The following KATNIP variants were observed in gnomAD, a reference collection of about 807,000 sequenced individuals.
The protein encoded by KATNIP is katanin interacting protein.
In KATNIP, 126 loss-of-function variants were observed where a neutral mutation model predicts 174.0. The observed-to-expected ratio is 0.72, with a 90% confidence interval of 0.63 to 0.84. KATNIP has a LOEUF of 0.84. Ranked by LOEUF, KATNIP falls within the 40% of genes least tolerant of loss-of-function variation. The pLI is 0.00. For missense variants in KATNIP, 1,958 were observed against 2,109.7 expected (o/e 0.93, Z 1.41); for synonymous variants, 810 against 835.7 (o/e 0.97, Z 0.53).
chr16:27,568,958 C>T (rs993659298), intron 1 of KATNIP, among the ~76,000 whole-genome samples: 2 of 152,124 alleles, frequency 1.3e-5, no homozygotes, highest in Non-Finnish European at 2.9e-5. Flanking sequence ...CCCACCACTC[C>T]CCTCCCACCT....
chr16:27,701,211 G>A (rs1045213966), intron 10 of KATNIP, among the ~76,000 whole-genome samples: 4 of 151,970 alleles, frequency 2.6e-5, no homozygotes, highest in Non-Finnish European at 2.9e-5. Flanking sequence ...AGGCTGGAGT[G>A]CAGTGGCATG....
chr16:27,667,279 C>T (rs1407724730), intron 6 of KATNIP, among the ~76,000 whole-genome samples: 1 of 150,862 alleles, frequency 6.6e-6, no homozygotes, highest in Non-Finnish European at 1.5e-5. Flanking sequence ...CGTGCCACTG[C>T]ACTCCAGCTT....
chr16:27,652,904 C>T (rs776898209), intron 6 of KATNIP, among the ~76,000 whole-genome samples: 2 of 151,718 alleles, frequency 1.3e-5, no homozygotes, highest in Non-Finnish European at 2.9e-5. Context: ...CCTGATAATG[C>T]ATAATTGATA....
At chr16:27,695,629 G>A (rs1215765277) in intron 8 of KATNIP, among the ~76,000 whole-genome samples, 1 of 152,134 alleles carries the variant, frequency 6.6e-6, no homozygotes, top group Non-Finnish European at 1.5e-5. Flanking sequence ...TGTGAGTGGG[G>A]GACTTGGTAT....
chr16:27,606,885 T>C (rs1160025718), intron 2 of KATNIP, among the ~76,000 whole-genome samples: 3 of 152,118 alleles, frequency 2.0e-5, no homozygotes. Context: ...GATTTTTCCA[T>C]GGAACATTTA....
chr16:27,568,440 A>T (rs1244088289), intron 1 of KATNIP, among the ~76,000 whole-genome samples: 5 of 152,162 alleles, frequency 3.3e-5, no homozygotes, highest in African/African-American at 1.2e-4. Context: ...TACAGGTGTG[A>T]GCAACCGGGC....
At chr16:27,642,374 G>A (rs1225530968) in intron 5 of KATNIP, among the ~76,000 whole-genome samples, 2 of 152,160 alleles carry the variant, frequency 1.3e-5, no homozygotes, top group Admixed American at 1.3e-4. Flanking sequence ...AGAACACATG[G>A]ACACAGGAAG....
At chr16:27,642,768 A>T (rs888379936) in intron 5 of KATNIP, among the ~76,000 whole-genome samples, 20 of 138,506 alleles carry the variant, frequency 1.4e-4, no homozygotes, top group Admixed American at 5.0e-4. Context: ...ATTTTTAAAA[A>T]ATTTTTTTTT....
chr16:27,756,610 A>T (rs1027446580), intron 18 of KATNIP, among the ~76,000 whole-genome samples: 2 of 152,226 alleles, frequency 1.3e-5, no homozygotes, highest in African/African-American at 4.8e-5. Flanking sequence ...CCTGTGTGCA[A>T]GAGTCAGTGT....
At chr16:27,655,772 C>G (rs1354648645) in intron 6 of KATNIP, among the ~76,000 whole-genome samples, 2 of 152,078 alleles carry the variant, frequency 1.3e-5, no homozygotes, top group Non-Finnish European at 2.9e-5. Context: ...ACCCAGGCCT[C>G]AGGGAAGCCC....
chr16:27,741,243 T>C (rs1417714805), intron 15 of KATNIP, among the ~76,000 whole-genome samples: 1 of 152,174 alleles, frequency 6.6e-6, no homozygotes, highest in African/African-American at 2.4e-5. Context: ...CATAGAGACA[T>C]CGGTCTCTAG....
chr16:27,776,049 C>T lies in KATNIP; in HGVS notation c.4450-879C>T, dbSNP rs2082486409. Among the ~76,000 whole-genome samples the T allele has an allele frequency of 6.6e-6, 1 of 152,152 alleles. No individual in the cohort carries two copies. Among genetic ancestry groups the T allele is most frequent in the African/African-American group, 2.4e-5 (1 of 41,428 alleles). On this transcript the variant is annotated intron_variant, in intron 24 of 27. Transcript: ENST00000261588. This position sits in a 1 kb window ranked among gnomAD's most constrained non-coding sequence, Gnocchi z 4.7. Reference sequence around the variant, plus strand: ...CACTGGAAGGCCTTTTGGGGTGCGGCGACTTCAGCTGTTGCTCTCGCGGCT... The same window carrying T: ...CACTGGAAGGCCTTTTGGGGTGCGGTGACTTCAGCTGTTGCTCTCGCGGCT...
rs570222220 is a variant in KATNIP at position 27,681,745 on chromosome 16, C to T, written c.940+215C>T. 2.0e-5 allele frequency among the ~76,000 whole-genome samples: 3 copies of T among 152,290 alleles called. No homozygotes were observed. In the East Asian group the frequency reaches 5.8e-4, roughly 29 times the overall value. On this transcript the variant is annotated intron_variant, in intron 8 of 27. Transcript: ENST00000261588. ...GCTTAGGATAAGGAATTGGCTCATG[C>T]AGTTGTGGAGGAGCGAGTGCGCTGT...
chr16:27,554,515 A>G (rs1480470978), intron 1 of KATNIP, among the ~76,000 whole-genome samples: 1 of 152,148 alleles, frequency 6.6e-6, no homozygotes, highest in Non-Finnish European at 1.5e-5. Flanking sequence ...TGATTAAAAT[A>G]CTTTTGTCTT....
intron 14 of KATNIP, among the ~76,000 whole-genome samples, chr16:27,733,190 G>A (rs1309102400): frequency 6.6e-6 from 1 of 152,198 alleles, no homozygotes; most frequent in Non-Finnish European, 1.5e-5. Flanking sequence ...TGCCACAGTG[G>A]AACCGTGCCG....
chr16:27,738,765 T>G (rs2080993154), intron 14 of KATNIP, among the ~76,000 whole-genome samples: 1 of 152,116 alleles, frequency 6.6e-6, no homozygotes, highest in African/African-American at 2.4e-5. Context: ...TCACACGGCA[T>G]CCTCCTGGCT....
chr16:27,730,682 C>T (rs183600657), intron 14 of KATNIP, among the ~76,000 whole-genome samples: 32 of 152,314 alleles, frequency 2.1e-4, no homozygotes, highest in Admixed American at 2.0e-3. Flanking sequence ...AACAAGCCTC[C>T]CCATACCCCT....
Position 27,721,175 on chromosome 16 carries a change from T to C in KATNIP, c.1606-383T>C, listed in dbSNP as rs73517309. Among the ~76,000 whole-genome samples, 1,449 of 152,334 alleles carry C rather than the reference T, an allele frequency of 9.5e-3. 19 individuals carry two copies. The highest frequency in any genetic ancestry group is 0.033 in the African/African-American group (1,378 of 41,580). On this transcript the variant is annotated intron_variant, in intron 13 of 27. Transcript: ENST00000261588. ...GGTTTTACAAAAGAAAATCAAAGGCTCTGTTTGCCAGGTTAATCAAATAGC... is the reference window on the plus strand; with the variant it reads ...GGTTTTACAAAAGAAAATCAAAGGCCCTGTTTGCCAGGTTAATCAAATAGC...
chr16:27,769,821 C>T lies in KATNIP; in HGVS notation c.3976-40C>T, dbSNP rs1202361949. 4 of 1,603,552 alleles carry T rather than the reference C, an allele frequency of 2.5e-6. No individual in the cohort carries two copies. The African/African-American group carries it at 4.0e-5, about 16-fold the overall frequency. Reference sequence around the variant, plus strand: ...CAGCACCGCTTCTGTCCCCACATGGCCTGCCTCCCTTCAGTCATGTTATTT... The same window carrying T: ...CAGCACCGCTTCTGTCCCCACATGGTCTGCCTCCCTTCAGTCATGTTATTT... On this transcript the variant is annotated intron_variant, in intron 20 of 27. Transcript: ENST00000261588.
Sources: allele counts gnomAD v4.1 joint callset (sites outside exome capture counted in the v4.1 genomes callset), GRCh38; gene constraint gnomAD v4.1.1; non-coding constraint Gnocchi (gnomAD v3.1); transcripts MANE v1.5; gene names NCBI Gene and HGNC (gene_info 2026-07-23, HGNC 2026-07-21).